The following TTLL9 variants were observed in gnomAD, a reference collection of about 807,000 sequenced individuals.
TTLL9 encodes tubulin tyrosine ligase like 9.
In TTLL9, 47 loss-of-function variants were observed where a neutral mutation model predicts 65.6. The ratio of observed to expected loss-of-function variants is 0.72; its 90% CI spans 0.57 to 0.91. The LOEUF is 0.91. TTLL9 is among the 40% of genes least tolerant of loss of function. TTLL9 has a pLI of 0.00. For synonymous variants in TTLL9, 179 were observed against 204.8 expected (o/e 0.87, Z 1.07); for missense variants, 537 against 568.8 (o/e 0.94, Z 0.57).
intron 2 of TTLL9, among the ~76,000 whole-genome samples, chr20:31,877,701 A>T: frequency 6.6e-6 from 1 of 152,118 alleles, no homozygotes; most frequent in East Asian, 1.9e-4. Flanking sequence ...TCTATTATAC[A>T]TCAAGTATAC....
In TTLL9 at chr20:31,939,161, CGAGT is replaced by C; in HGVS notation, c.1139_1142del (p.Arg380ProfsTer29). On this transcript the variant is annotated frameshift_variant, in exon 14 of 15. Transcript: ENST00000535842. LOFTEE classifies it high-confidence loss of function. Reference sequence around the variant, plus strand: ...GTCCAGGCTCACGGGAAGGGAGAAGCGAGTCGGGGGCTTTGACCTCATGTGGAAT... The same window carrying C: ...GTCCAGGCTCACGGGAAGGGAGAAGCCGGGGGCTTTGACCTCATGTGGAAT... The C allele has an allele frequency of 6.3e-7, 1 of 1,595,586 alleles. No individual in the cohort carries two copies. Among genetic ancestry groups the C allele is most frequent in the Non-Finnish European group, 8.5e-7 (1 of 1,171,098 alleles).
chr20:31,886,806 G>A (rs1371952486), intron 2 of TTLL9, among the ~76,000 whole-genome samples: 1 of 152,110 alleles, frequency 6.6e-6, no homozygotes, highest in Admixed American at 6.6e-5. Context: ...GTGACAGAGC[G>A]AGACTCCATC....
intron 13 of TTLL9, chr20:31,938,327 G>A: frequency 2.5e-6 from 1 of 396,236 alleles, no homozygotes; most frequent in South Asian, 1.9e-5. Context: ...TGGGGTGAGG[G>A]AGGGAGGGAG....
intron 12 of TTLL9, among the ~76,000 whole-genome samples, chr20:31,936,416 G>A (rs1191016479): frequency 6.6e-6 from 1 of 151,902 alleles, no homozygotes; most frequent in Non-Finnish European, 1.5e-5. Flanking sequence ...GCTGCAGGGA[G>A]CTAAGATTGC....
intron 4 of TTLL9, among the ~76,000 whole-genome samples, chr20:31,900,941 C>T (rs2063469105): frequency 6.6e-6 from 1 of 152,222 alleles, no homozygotes; most frequent in Non-Finnish European, 1.5e-5. Context: ...CAGGGTGCTC[C>T]ATGGCTGGTC....
intron 2 of TTLL9, among the ~76,000 whole-genome samples, chr20:31,873,788 GAAAGA>G: frequency 8.8e-6 from 1 of 113,282 alleles, no homozygotes; most frequent in African/African-American, 3.4e-5. Context: ...GAAAGAAAAA[GAAAGA>G]AAGGAAGGAA....
chr20:31,902,061 G>A (rs2063487017), intron 4 of TTLL9, among the ~76,000 whole-genome samples: 1 of 152,154 alleles, frequency 6.6e-6, no homozygotes, highest in Non-Finnish European at 1.5e-5. Context: ...TATATATATA[G>A]AATTTCGTGT....
At chr20:31,924,542 C>G (rs1014430533) in intron 8 of TTLL9, among the ~76,000 whole-genome samples, 4 of 151,832 alleles carry the variant, frequency 2.6e-5, no homozygotes, top group Non-Finnish European at 5.9e-5. Context: ...CCACGCACCC[C>G]TCCCCCACCT....
In TTLL9 at chr20:31,870,885, T is replaced by A; in HGVS notation, c.-70T>A. ...CCCGCCTCGGCTTCTAGCAGAAACGTGACGGGGCTGGACTTTGATCGCCGA... is the reference window on the plus strand; with the variant it reads ...CCCGCCTCGGCTTCTAGCAGAAACGAGACGGGGCTGGACTTTGATCGCCGA... On this transcript the variant is annotated 5_prime_UTR_variant, in exon 1 of 15. An upstream open reading frame in the 5' UTR loses its in-frame stop. Coordinates refer to ENST00000535842, the MANE Select transcript of TTLL9 (RefSeq NM_001008409.5). This position sits in a 1 kb window ranked among gnomAD's most constrained non-coding sequence, Gnocchi z 6.6. 1 of 554,228 alleles carries A rather than the reference T, an allele frequency of 1.8e-6. No homozygotes were observed. The highest frequency in any genetic ancestry group is 3.2e-6 in the Non-Finnish European group (1 of 314,452). 34.3% of individuals were successfully genotyped at this position (554,228 alleles called of 1,614,324 possible).
chr20:31,871,295 G>A (rs1296901603), intron 2 of TTLL9, 100 bp downstream of exon 2: 8 of 1,319,464 alleles, frequency 6.1e-6, no homozygotes, highest in Non-Finnish European at 6.6e-6. Context: ...AAGGGGTCTG[G>A]AGACCAAGGT....
At chr20:31,871,957 G>C (rs574540743) in intron 2 of TTLL9, among the ~76,000 whole-genome samples, 5 of 150,952 alleles carry the variant, frequency 3.3e-5, no homozygotes, top group African/African-American at 1.2e-4. Flanking sequence ...AACTATAAAT[G>C]AGATATTTTA....
At chr20:31,901,327 C>G (rs879846093) in intron 4 of TTLL9, 1 of 152,138 alleles carries the variant, frequency 6.6e-6, no homozygotes, top group East Asian at 1.9e-4. Flanking sequence ...ATTGCTCTCC[C>G]GATGTGCTGA....
chr20:31,898,898 C>G (rs1032008818), intron 4 of TTLL9, among the ~76,000 whole-genome samples: 4 of 152,240 alleles, frequency 2.6e-5, no homozygotes, highest in Non-Finnish European at 5.9e-5. Flanking sequence ...GTAGCTACCA[C>G]AGACCTGTGG....
At chr20:31,926,881 G>C (rs1406162298) in intron 10 of TTLL9, among the ~76,000 whole-genome samples, 13 of 151,960 alleles carry the variant, frequency 8.6e-5, no homozygotes. Flanking sequence ...GAGGCAGAAG[G>C]ATCACTTGAG....
At chr20:31,894,648 AT>A (rs1265520100) in intron 3 of TTLL9, among the ~76,000 whole-genome samples, 4 of 151,908 alleles carry the variant, frequency 2.6e-5, no homozygotes, top group Admixed American at 2.6e-4. Flanking sequence ...GTATATCATA[AT>A]TTTTTAGTCT....
intron 13 of TTLL9, among the ~76,000 whole-genome samples, chr20:31,937,819 C>T (rs981454645): frequency 2.6e-5 from 4 of 152,132 alleles, no homozygotes; most frequent in Admixed American, 2.0e-4. Flanking sequence ...TCAGCTTCCT[C>T]ATCTGTAAAA....
At chr20:31,916,112 ACT>A (rs2063729896) in intron 6 of TTLL9, among the ~76,000 whole-genome samples, 1 of 152,124 alleles carries the variant, frequency 6.6e-6, no homozygotes, top group East Asian at 1.9e-4. Context: ...GGGCTGGAAG[ACT>A]CAGTTGCCTT....
chr20:31,871,045 T>G, intron 1 of TTLL9, 77 bp from the exon 2 acceptor site: 1 of 1,346,908 alleles, frequency 7.4e-7, no homozygotes, highest in African/African-American at 1.4e-5. Flanking sequence ...ACCCTCCTGT[T>G]CACTCATTCA....
chr20:31,894,234 G>A (rs2063351567), intron 3 of TTLL9, among the ~76,000 whole-genome samples: 1 of 151,058 alleles, frequency 6.6e-6, no homozygotes. Context: ...TCCCCAGGTA[G>A]CTGGGACTAC....
Sources: allele counts gnomAD v4.1 joint callset (sites outside exome capture counted in the v4.1 genomes callset), GRCh38; gene constraint gnomAD v4.1.1; non-coding constraint Gnocchi (gnomAD v3.1); transcripts MANE v1.5; gene names NCBI Gene and HGNC (gene_info 2026-07-23, HGNC 2026-07-21).